NFIA: variants seen among roughly 807,000 people sequenced by gnomAD.
NFIA encodes nuclear factor 1 A-type.
Under a neutral mutation model 62.8 loss-of-function variants are expected in NFIA, and 8 were observed. That is an observed-to-expected ratio of 0.13 (90% CI 0.07 to 0.23). The LOEUF is 0.23. NFIA is among the 10% of genes least tolerant of loss of function. The pLI is 1.00. For synonymous variants in NFIA, 235 were observed against 238.1 expected (o/e 0.99, Z 0.12); for missense variants, 410 against 642.1 (o/e 0.64, Z 3.91).
At chr1:61,419,648 G>A (rs1666515392) in intron 9 of NFIA, among the ~76,000 whole-genome samples, 1 of 152,046 alleles carries the variant, frequency 6.6e-6, no homozygotes, top group African/African-American at 2.4e-5. Flanking sequence ...ACCTCCTACT[G>A]CCCTTAGGAT....
At chr1:61,233,366 C>T (rs1262249471) in intron 2 of NFIA, among the ~76,000 whole-genome samples, 3 of 152,196 alleles carry the variant, frequency 2.0e-5, no homozygotes, top group African/African-American at 7.2e-5. Context: ...AGGGAGCCCA[C>T]AGACCATACT....
intron 2 of NFIA, among the ~76,000 whole-genome samples, chr1:61,228,762 G>C (rs1654489497): frequency 6.6e-6 from 1 of 151,976 alleles, no homozygotes; most frequent in Admixed American, 6.6e-5. Flanking sequence ...CATATTAGTA[G>C]TATTTTCCCT....
chr1:61,395,286 G>GTT (rs371283588), intron 7 of NFIA, among the ~76,000 whole-genome samples: 309 of 134,326 alleles, frequency 2.3e-3, no homozygotes, highest in Middle Eastern at 7.6e-3. Context: ...GTGTGTGTGT[G>GTT]TGTTTTTTTT....
intron 7 of NFIA, among the ~76,000 whole-genome samples, chr1:61,401,993 T>C (rs1327361300): frequency 6.6e-6 from 1 of 151,660 alleles, no homozygotes; most frequent in East Asian, 1.9e-4. Flanking sequence ...TCCCAAGATT[T>C]ATCATTCATT....
chr1:61,233,151 A>G (rs1654780717), intron 2 of NFIA, among the ~76,000 whole-genome samples: 1 of 152,132 alleles, frequency 6.6e-6, no homozygotes, highest in South Asian at 2.1e-4. Flanking sequence ...AGTACCTACT[A>G]TATTCTTGTC....
rs532240214 is a variant in NFIA, at chr1:61,439,543, G to C, written c.1512+12987G>C. 5 of 152,224 alleles carry C rather than the reference G, an allele frequency of 3.3e-5. No homozygotes were observed. In the East Asian group the frequency reaches 9.6e-4, roughly 29 times the overall value. The allele number at this position is 152,224 out of a possible 1,614,324, so 9.4% of individuals were successfully genotyped here. A position where few individuals can be genotyped will look rare whatever the true frequency, so the allele number is the denominator to read the frequency against. On this transcript the variant is annotated intron_variant, in intron 10 of 10. Transcript: ENST00000403491. ...GGTTTGGTATTCCTCTCCCTATCTCGCTGCTTTGGGGTCCCATCAAATCAC... is the reference window on the plus strand; with the variant it reads ...GGTTTGGTATTCCTCTCCCTATCTCCCTGCTTTGGGGTCCCATCAAATCAC...
intron 2 of NFIA, among the ~76,000 whole-genome samples, chr1:61,201,048 GT>G (rs1246752787): frequency 6.6e-6 from 1 of 152,098 alleles, no homozygotes; most frequent in Non-Finnish European, 1.5e-5. Flanking sequence ...CTCCCTCTAC[GT>G]TTTATTTTAA....
intron 4 of NFIA, among the ~76,000 whole-genome samples, 188 bp downstream of exon 4, chr1:61,332,774 T>C (rs1661364729): frequency 6.6e-6 from 1 of 152,210 alleles, no homozygotes; most frequent in African/African-American, 2.4e-5. Flanking sequence ...ATTATTTTGA[T>C]GTGAGGCATA....
At chr1:61,340,861 G>A (rs745704308) in intron 4 of NFIA, among the ~76,000 whole-genome samples, 2 of 152,042 alleles carry the variant, frequency 1.3e-5, no homozygotes, top group East Asian at 1.9e-4. Flanking sequence ...TCTGTTTTGA[G>A]CATTGTTTTT....
intron 2 of NFIA, among the ~76,000 whole-genome samples, chr1:61,097,304 T>C (rs1646433771): frequency 6.6e-6 from 1 of 152,234 alleles, no homozygotes; most frequent in Non-Finnish European, 1.5e-5. Flanking sequence ...TGTATTCATA[T>C]AAATTTTTAA....
intron 2 of NFIA, among the ~76,000 whole-genome samples, chr1:61,144,520 T>A (rs1647787885): frequency 6.6e-6 from 1 of 152,172 alleles, no homozygotes; most frequent in Non-Finnish European, 1.5e-5. Context: ...CATTTGTACC[T>A]AAGGATGTGG....
chr1:61,165,106 A>G lies in NFIA; in HGVS notation c.559+76426A>G, dbSNP rs139979153. Reference sequence around the variant, plus strand: ...ATAAATTTATTTCTTGGAAAAGTTTATTTAGAGTTTTAGTGGAGAAGCTAG... The same window carrying G: ...ATAAATTTATTTCTTGGAAAAGTTTGTTTAGAGTTTTAGTGGAGAAGCTAG... On this transcript the variant is annotated intron_variant, in intron 2 of 10. Transcript: ENST00000403491. Among the ~76,000 whole-genome samples the G allele has an allele frequency of 2.6e-4, 39 of 152,318 alleles. 1 individual carries two copies. The highest frequency in any genetic ancestry group is 9.4e-4 in the African/African-American group (39 of 41,578).
intron 2 of NFIA, among the ~76,000 whole-genome samples, chr1:61,112,124 A>AT (rs36050665): frequency 6.7e-6 from 1 of 150,052 alleles, no homozygotes; most frequent in African/African-American, 2.4e-5. Flanking sequence ...AAATAGAAAG[A>AT]TTTTTTTTTT....
At chr1:61,304,669 T>C (rs115800578) in intron 3 of NFIA, among the ~76,000 whole-genome samples, 70,680 of 119,258 alleles carry the variant, frequency 0.59, 19,195 homozygotes, top group East Asian at 0.72. Context: ...AAGATCTGAT[T>C]TTTTTTTTTG....
intron 6 of NFIA, among the ~76,000 whole-genome samples, chr1:61,371,113 A>G (rs553383968): frequency 1.3e-5 from 2 of 152,308 alleles, no homozygotes; most frequent in East Asian, 3.9e-4. Flanking sequence ...TGAACCCAGC[A>G]GAAGAGAGCA....
intron 10 of NFIA, among the ~76,000 whole-genome samples, chr1:61,434,601 G>T (rs1047756200): frequency 6.6e-6 from 1 of 152,092 alleles, no homozygotes; most frequent in African/African-American, 2.4e-5. Flanking sequence ...CTAGATACTG[G>T]TCACCTTTTC....
chr1:61,299,363 GC>G (rs1459341511), intron 3 of NFIA, among the ~76,000 whole-genome samples: 1 of 152,122 alleles, frequency 6.6e-6, no homozygotes, highest in Admixed American at 6.6e-5. Context: ...TCTGTCTTAG[GC>G]TATACAGAAG....
chr1:61,320,879 T>C (rs985589217), intron 3 of NFIA, among the ~76,000 whole-genome samples: 1 of 152,198 alleles, frequency 6.6e-6, no homozygotes, highest in Admixed American at 6.6e-5. Context: ...CAGTTTCTGA[T>C]GTATTCAGGG....
chr1:61,248,453 A>C (rs922151681), intron 2 of NFIA, among the ~76,000 whole-genome samples: 7 of 152,134 alleles, frequency 4.6e-5, no homozygotes, highest in Non-Finnish European at 1.0e-4. Context: ...TGGTCCACAG[A>C]ACTAAATTAG....
Sources: gnomAD v4.1 joint callset for allele counts (sites outside exome capture counted in the v4.1 genomes callset) on GRCh38, gnomAD v4.1.1 for gene constraint, MANE v1.5 for transcripts, NCBI Gene and HGNC (gene_info 2026-07-23, HGNC 2026-07-21) for gene names.